The following CTNND2 variants were observed in gnomAD, a reference collection of about 807,000 sequenced individuals.
The protein encoded by CTNND2 is catenin delta-2.
A neutral mutation model predicts 144.4 loss-of-function variants in CTNND2; 22 were observed. The ratio of observed to expected loss-of-function variants is 0.15; its 90% CI spans 0.11 to 0.22. CTNND2 has a LOEUF of 0.22. Ranked by LOEUF, CTNND2 falls within the 10% of genes least tolerant of loss-of-function variation. The probability of loss-of-function intolerance (pLI) is 1.00; values close to 1 mark genes in which losing one functional copy is unlikely to be tolerated. For missense variants in CTNND2, 1,353 were observed against 1,618.8 expected (o/e 0.84, Z 2.82); for synonymous variants, 751 against 695.6 (o/e 1.08, Z -1.25).
intron 6 of CTNND2, among the ~76,000 whole-genome samples, chr5:11,385,445 CT>C (rs1758988381): frequency 6.6e-6 from 1 of 152,166 alleles, no homozygotes; most frequent in South Asian, 2.1e-4. Context: ...GGCCAGCTGA[CT>C]ACTGGAGGGA....
chr5:11,453,437 T>C (rs61760266), intron 3 of CTNND2, among the ~76,000 whole-genome samples: 2,685 of 152,326 alleles, frequency 0.018, 88 homozygotes, highest in African/African-American at 0.061. Context: ...TCCAGAGTTA[T>C]TGAGACCTAC....
chr5:11,357,248 A>G (rs938440540), intron 8 of CTNND2, among the ~76,000 whole-genome samples: 3 of 152,100 alleles, frequency 2.0e-5, no homozygotes, highest in Non-Finnish European at 4.4e-5. Context: ...TTGTAGCACT[A>G]TTTACAATAA....
At chr5:11,432,863 A>T (rs1386744734) in intron 3 of CTNND2, among the ~76,000 whole-genome samples, 3 of 152,194 alleles carry the variant, frequency 2.0e-5, no homozygotes, top group Non-Finnish European at 2.9e-5. Flanking sequence ...TAGGGGAAAA[A>T]ATCTGTAAAA....
intron 2 of CTNND2, among the ~76,000 whole-genome samples, chr5:11,581,608 C>A (rs1778441387): frequency 6.6e-6 from 1 of 152,230 alleles, no homozygotes; most frequent in African/African-American, 2.4e-5. Context: ...GGCTCCCTAT[C>A]TGCAGAATCT....
chr5:11,753,753 C>T (rs975033344), intron 1 of CTNND2, among the ~76,000 whole-genome samples: 2 of 151,748 alleles, frequency 1.3e-5, no homozygotes, highest in Admixed American at 6.6e-5. Context: ...TTGGTACCAG[C>T]TCTTCTTATA....
At chr5:11,328,437 G>A (rs1005120749) in intron 9 of CTNND2, among the ~76,000 whole-genome samples, 1 of 151,980 alleles carries the variant, frequency 6.6e-6, no homozygotes, top group African/African-American at 2.4e-5. Context: ...GGGACTACAG[G>A]TGCTTGTCAC....
chr5:11,129,178 TTA>T (rs1561352914), intron 12 of CTNND2, among the ~76,000 whole-genome samples: 1 of 53,752 alleles, frequency 1.9e-5, no homozygotes, highest in African/African-American at 7.0e-5. Flanking sequence ...ATTATATATT[TTA>T]TATATAATAT....
chr5:11,230,587 G>C lies in CTNND2; in HGVS notation c.1761+6104C>G, dbSNP rs551906556. On this transcript the variant is annotated intron_variant, in intron 10 of 21. Transcript: ENST00000304623. ...TAATCATGCCTGCGCCCTTTAAAGTGGGAGGATCCACCTCCATCTCAGATA... is the reference window on the plus strand; with the variant it reads ...TAATCATGCCTGCGCCCTTTAAAGTCGGAGGATCCACCTCCATCTCAGATA... Among the ~76,000 whole-genome samples, 3 of 152,118 alleles carry C rather than the reference G, an allele frequency of 2.0e-5. No homozygotes were observed. In the South Asian group the frequency reaches 6.2e-4, roughly 32 times the overall value.
chr5:11,000,385 G>A (rs142962557), intron 18 of CTNND2, among the ~76,000 whole-genome samples: 4 of 152,196 alleles, frequency 2.6e-5, no homozygotes, highest in Admixed American at 6.5e-5. Context: ...GCTGGGCGTC[G>A]TGGTGGGTGC....
intron 2 of CTNND2, among the ~76,000 whole-genome samples, chr5:11,667,854 G>C (rs1271871353): frequency 6.6e-6 from 1 of 152,172 alleles, no homozygotes; most frequent in Non-Finnish European, 1.5e-5. Flanking sequence ...CCTATGTCCA[G>C]AATGGTATTG....
intron 3 of CTNND2, among the ~76,000 whole-genome samples, chr5:11,433,528 C>A (rs1181775023): frequency 6.6e-6 from 1 of 152,138 alleles, no homozygotes; most frequent in Non-Finnish European, 1.5e-5. Flanking sequence ...GTACAGGAAG[C>A]ATGGTGGTGT....
chr5:11,427,275 CTTTTT>C (rs765824451), intron 3 of CTNND2, among the ~76,000 whole-genome samples: 4 of 120,874 alleles, frequency 3.3e-5, no homozygotes, highest in Non-Finnish European at 3.4e-5. Flanking sequence ...TTCCCATATG[CTTTTT>C]TTTTTTTTTT....
intron 16 of CTNND2, among the ~76,000 whole-genome samples, chr5:11,078,978 C>T (rs531655105): frequency 3.9e-5 from 6 of 152,190 alleles, no homozygotes; most frequent in African/African-American, 1.4e-4. Flanking sequence ...TGCAGCCTGG[C>T]CTTGCAGTGA....
At chr5:10,975,778 G>T (rs1736389916) in intron 21 of CTNND2, among the ~76,000 whole-genome samples, 1 of 152,228 alleles carries the variant, frequency 6.6e-6, no homozygotes, top group Non-Finnish European at 1.5e-5. Flanking sequence ...GGAAGGCAGT[G>T]CAGGGGACAG....
chr5:11,355,485 A>T (rs558495473), intron 8 of CTNND2, among the ~76,000 whole-genome samples: 1 of 152,228 alleles, frequency 6.6e-6, no homozygotes, highest in African/African-American at 2.4e-5. Context: ...ACAAAAAAAA[A>T]CTCTCAACAA....
chr5:11,020,774 AGACT>A (rs35090953), intron 17 of CTNND2, among the ~76,000 whole-genome samples: 43,647 of 151,600 alleles, frequency 0.29, 6,781 homozygotes, highest in East Asian at 0.57. Flanking sequence ...ACAGTGAATG[AGACT>A]GACTAAGCAG....
chr5:11,853,791 C>T (rs1230124229), intron 1 of CTNND2, among the ~76,000 whole-genome samples: 2 of 152,186 alleles, frequency 1.3e-5, no homozygotes, highest in Non-Finnish European at 1.5e-5. Flanking sequence ...CAGGTAACTC[C>T]GTTGATTCTA....
intron 16 of CTNND2, among the ~76,000 whole-genome samples, chr5:11,032,507 T>C (rs1277856091): frequency 6.6e-6 from 1 of 152,172 alleles, no homozygotes; most frequent in African/African-American, 2.4e-5. Context: ...CAGACCAAAT[T>C]GGTGAAGCAT....
chr5:11,621,730 T>G (rs144603563), intron 2 of CTNND2, among the ~76,000 whole-genome samples: 1 of 152,332 alleles, frequency 6.6e-6, no homozygotes, highest in East Asian at 1.9e-4. Flanking sequence ...GCAGCTTTAC[T>G]CCCAACCTTT....
Sources: allele counts gnomAD v4.1 joint callset (sites outside exome capture counted in the v4.1 genomes callset), GRCh38; gene constraint gnomAD v4.1.1; transcripts MANE v1.5; gene names NCBI Gene and HGNC (gene_info 2026-07-23, HGNC 2026-07-21).